The following DMD variants were observed in gnomAD, a reference collection of about 807,000 sequenced individuals.
DMD encodes the protein dystrophin.
A neutral mutation model predicts 330.1 loss-of-function variants in DMD; 63 were observed. The observed-to-expected ratio is 0.19, with a 90% CI of 0.16 to 0.24. The LOEUF is 0.24. Ranked by LOEUF, DMD falls within the 10% of genes least tolerant of loss-of-function variation. The pLI, the probability that DMD is intolerant of heterozygous loss-of-function variation, is 1.00. For synonymous variants in DMD, 1,223 were observed against 959.8 expected, an observed-to-expected ratio of 1.27 and a Z score of -5.07; for missense variants, 3,344 against 2,684.1, an observed-to-expected ratio of 1.25 and a Z score of -5.43.
At chrX:33,210,673 A>G (rs989838699) in intron 1 of DMD, among the ~76,000 whole-genome samples, 2 of 111,743 alleles carry the variant, frequency 1.8e-5, no homozygotes, top group Non-Finnish European at 3.8e-5. Context: ...AATTATCATG[A>G]TATGCTACAG....
intron 7 of DMD, among the ~76,000 whole-genome samples, chrX:32,751,092 A>G (rs908897464): frequency 9.0e-6 from 1 of 111,698 alleles, no homozygotes; most frequent in Non-Finnish European, 1.9e-5. Context: ...CTTTATCAGC[A>G]GTATAAAAAC....
chrX:32,458,757 C>A (rs991196698), intron 25 of DMD, among the ~76,000 whole-genome samples: 1 of 111,619 alleles, frequency 9.0e-6, no homozygotes, highest in African/African-American at 3.2e-5. Flanking sequence ...AGTGATGCAC[C>A]TTTTCATATA....
At chrX:32,819,902 A>G (rs2078088563) in intron 5 of DMD, among the ~76,000 whole-genome samples, 1 of 110,494 alleles carries the variant, frequency 9.1e-6, no homozygotes, top group African/African-American at 3.3e-5. Context: ...GATTATGATG[A>G]ACACTGAGCA....
At chrX:32,440,468 A>G (rs1164737536) in intron 28 of DMD, among the ~76,000 whole-genome samples, 1 of 111,289 alleles carries the variant, frequency 9.0e-6, no homozygotes, top group Non-Finnish European at 1.9e-5. Flanking sequence ...TATGCTCCTT[A>G]TTTTATAGAT....
chrX:31,342,054 A>G (rs973531418), intron 61 of DMD, among the ~76,000 whole-genome samples: 1 of 110,820 alleles, frequency 9.0e-6, no homozygotes, highest in Non-Finnish European at 1.9e-5. Context: ...GTTGGTTGTA[A>G]GTCATTAAAC....
intron 44 of DMD, among the ~76,000 whole-genome samples, chrX:32,000,397 G>A (rs768220691): frequency 1.8e-5 from 2 of 112,056 alleles, no homozygotes; most frequent in South Asian, 7.3e-4. Context: ...TTGTTAAAAT[G>A]TTCAAATAAA....
At chrX:32,678,580 A>G in intron 9 of DMD, among the ~76,000 whole-genome samples, 1 of 110,768 alleles carries the variant, frequency 9.0e-6, no homozygotes, top group Non-Finnish European at 1.9e-5. Flanking sequence ...TTAATCTCCT[A>G]AAATCAAAGG....
At position 32,522,983 on chromosome X, in the gene DMD, G is replaced by A. The variant is rs181829239; in HGVS notation, c.2169-4852C>T. The stretch of plus-strand genomic sequence containing the variant: ...TCTAGTCTCACCCTCATTTGATTTA[G>A]ACTATCTCTAAGAAAGATTGCTCAC... On this transcript the variant is annotated intron_variant, in intron 17 of 78. Coordinates refer to ENST00000357033, the MANE Select transcript of DMD (RefSeq NM_004006.3). Among the ~76,000 whole-genome samples, 6 of 111,546 alleles carry A rather than the reference G, an allele frequency of 5.4e-5. No individual in the cohort carries two copies. The East Asian group carries it at 1.7e-3, about 31-fold the overall frequency.
At chrX:33,080,714 T>C (rs1413217660) in intron 1 of DMD, among the ~76,000 whole-genome samples, 2 of 111,215 alleles carry the variant, frequency 1.8e-5, no homozygotes, top group Non-Finnish European at 3.8e-5. Flanking sequence ...GTAAATAAAT[T>C]GAACAATTTT....
intron 43 of DMD, among the ~76,000 whole-genome samples, chrX:32,266,694 A>T (rs1403496291): frequency 8.9e-6 from 1 of 111,977 alleles, no homozygotes; most frequent in Non-Finnish European, 1.9e-5. Context: ...CATTGATAAG[A>T]GCGATAATGG....
At chrX:32,714,057 G>A (rs761884899) in intron 7 of DMD, among the ~76,000 whole-genome samples, 1 of 111,482 alleles carries the variant, frequency 9.0e-6, no homozygotes, top group African/African-American at 3.3e-5. Flanking sequence ...ATGATTAAAT[G>A]GGTACTCAAA....
intron 45 of DMD, among the ~76,000 whole-genome samples, chrX:31,941,717 T>C (rs1376287092): frequency 1.8e-5 from 2 of 111,385 alleles, no homozygotes; most frequent in African/African-American, 3.3e-5. Context: ...CTCCCCCTTC[T>C]AGTAGTCCCC....
At chrX:33,325,830 A>G (rs1022582007) in intron 1 of DMD, among the ~76,000 whole-genome samples, 1 of 111,882 alleles carries the variant, frequency 8.9e-6, no homozygotes, top group Admixed American at 9.5e-5. Context: ...GTGTTACTTT[A>G]CCAATATGCC....
chrX:32,180,715 C>T (rs777771458), intron 44 of DMD, among the ~76,000 whole-genome samples: 51 of 111,592 alleles, frequency 4.6e-4, no homozygotes, highest in African/African-American at 1.7e-3. Context: ...AACTTACCAT[C>T]GTGGCATAAG....
intron 44 of DMD, among the ~76,000 whole-genome samples, chrX:32,193,736 G>A (rs1194152027): frequency 9.0e-6 from 1 of 111,700 alleles, no homozygotes; most frequent in Non-Finnish European, 1.9e-5. Flanking sequence ...TCTGTGATGG[G>A]GTCTTTAACC....
At chrX:31,925,986 A>C (rs2094770010) in intron 47 of DMD, among the ~76,000 whole-genome samples, 1 of 111,320 alleles carries the variant, frequency 9.0e-6, no homozygotes, top group Non-Finnish European at 1.9e-5. Context: ...AACACAGAGG[A>C]AGAGAGTGAT....
At chrX:32,418,972 CAAAAAAAA>C (rs1160282195) in intron 29 of DMD, among the ~76,000 whole-genome samples, 45 of 13,510 alleles carry the variant, frequency 3.3e-3, no homozygotes, top group East Asian at 0.03. Context: ...GACTCTGTCT[CAAAAAAAA>C]AAAAAAAAAA....
At chrX:31,943,842 T>C (rs1196016037) in intron 45 of DMD, among the ~76,000 whole-genome samples, 5 of 99,962 alleles carry the variant, frequency 5.0e-5, no homozygotes, top group Non-Finnish European at 1.0e-4. Flanking sequence ...TATGAATACA[T>C]TATATAGAGA....
intron 43 of DMD, among the ~76,000 whole-genome samples, chrX:32,285,160 T>C (rs937814550): frequency 8.9e-6 from 1 of 112,202 alleles, no homozygotes; most frequent in African/African-American, 3.2e-5. Context: ...TAGGTGTATA[T>C]AGAAGCACAG....
Sources: allele counts gnomAD v4.1 joint callset (sites outside exome capture counted in the v4.1 genomes callset), GRCh38; gene constraint gnomAD v4.1.1; transcripts MANE v1.5; gene names NCBI Gene and HGNC (gene_info 2026-07-23, HGNC 2026-07-21).